MAN1A2: variants seen among roughly 807,000 people sequenced by gnomAD.
MAN1A2 encodes mannosyl-oligosaccharide 1,2-alpha-mannosidase IB.
MAN1A2 carries 26 observed loss-of-function variants against 75.7 expected under a neutral mutation model. The ratio of observed to expected loss-of-function variants is 0.34; its 90% CI spans 0.25 to 0.48. The LOEUF (loss-of-function observed/expected upper bound fraction) is 0.48. Among genes scored for constraint, MAN1A2 ranks in the 20% least tolerant of loss-of-function variants. The pLI is 0.99. For synonymous variants in MAN1A2, 247 were observed against 264.6 expected, an observed-to-expected ratio of 0.93 and a Z score of 0.65; for missense variants, 562 against 775.5, an observed-to-expected ratio of 0.72 and a Z score of 3.27.
intron 6 of MAN1A2, among the ~76,000 whole-genome samples, chr1:117,449,244 A>G (rs2101821895): frequency 6.6e-6 from 1 of 152,272 alleles, no homozygotes; most frequent in Non-Finnish European, 1.5e-5. Context: ...GAAGAATAGC[A>G]TGTCTCTCAC....
At chr1:117,372,051 G>T (rs1005973614) in intron 1 of MAN1A2, among the ~76,000 whole-genome samples, 6 of 152,094 alleles carry the variant, frequency 3.9e-5, no homozygotes, top group Admixed American at 1.3e-4. Context: ...AAATATTTTG[G>T]TTTTTATCAT....
At chr1:117,448,640 A>G (rs1649313160) in intron 6 of MAN1A2, among the ~76,000 whole-genome samples, 2 of 152,206 alleles carry the variant, frequency 1.3e-5, no homozygotes. Context: ...TTGAAGACAA[A>G]ACAATAGAAA....
chr1:117,522,207 A>T (rs1201041123), intron 12 of MAN1A2, among the ~76,000 whole-genome samples: 3 of 151,912 alleles, frequency 2.0e-5, no homozygotes, highest in Non-Finnish European at 4.4e-5. Flanking sequence ...CAGAGTCCTC[A>T]TCAGAACCAA....
Position 117,496,833 on chromosome 1 carries a change from A to G in MAN1A2, c.1355A>G (p.His452Arg), listed in dbSNP as rs756655838. The change falls in exon 10 of 13, where the codon CAC (histidine) becomes CGC (arginine). Residue 452 changes from histidine (H) to arginine (R), a missense_variant. This residue lies in a region of MAN1A2 where 434 missense variants were observed against 645.7 expected (regional missense o/e 0.67). Coordinates refer to ENST00000356554, the MANE Select transcript of MAN1A2 (RefSeq NM_006699.5). ...LTFIGEWKNGHLEKKMGHLAC... is the reference protein window; with the variant it reads ...LTFIGEWKNGRLEKKMGHLAC... ...TTTATTGGAGAATGGAAGAATGGGC[A>G]CTTGGAAAAAAAGATGGGGCATTTG... 27 of 1,612,658 alleles carry G rather than the reference A, an allele frequency of 1.7e-5. No homozygotes were observed. The highest frequency in any genetic ancestry group is 2.2e-5 in the East Asian group (1 of 44,766).
At chr1:117,426,981 C>G (rs1457025975) in intron 5 of MAN1A2, among the ~76,000 whole-genome samples, 1 of 152,110 alleles carries the variant, frequency 6.6e-6, no homozygotes, top group Non-Finnish European at 1.5e-5. Context: ...GCTGTCATAG[C>G]TCTTGGACTC....
chr1:117,512,703 G>A (rs930699183), intron 12 of MAN1A2, among the ~76,000 whole-genome samples: 9 of 149,748 alleles, frequency 6.0e-5, no homozygotes, highest in Non-Finnish European at 1.2e-4. Context: ...ATTTTTAAGT[G>A]CTTCCTATGT....
chr1:117,520,957 T>C, intron 12 of MAN1A2, among the ~76,000 whole-genome samples: 1 of 152,018 alleles, frequency 6.6e-6, no homozygotes, highest in African/African-American at 2.4e-5. Flanking sequence ...ATGATACTTG[T>C]ATAAAAATAG....
chr1:117,497,576 T>C (rs536047324), intron 10 of MAN1A2, among the ~76,000 whole-genome samples: 1 of 152,040 alleles, frequency 6.6e-6, no homozygotes, highest in East Asian at 1.9e-4. Flanking sequence ...ACAAAAATTG[T>C]TTTGGTTGGG....
chr1:117,513,084 T>G (rs1358428300), intron 12 of MAN1A2, among the ~76,000 whole-genome samples: 1 of 152,142 alleles, frequency 6.6e-6, no homozygotes, highest in Non-Finnish European at 1.5e-5. Flanking sequence ...ATGCATGGAA[T>G]ATTTCCATTC....
Position 117,505,119 on chromosome 1 carries a change from C to T in MAN1A2, c.1793+2149C>T, listed in dbSNP as rs541543788. Among the ~76,000 whole-genome samples, 14 of 151,528 alleles carry T rather than the reference C, an allele frequency of 9.2e-5. No individual in the cohort carries two copies. The South Asian group carries it at 2.1e-3, about 22-fold the overall frequency. ...AACCTAATGTACATTCAAATATTTA[C>T]GTATATATAAAGTTTCTTCTCTTGC... On this transcript the variant is annotated intron_variant, in intron 12 of 12. Transcript: ENST00000356554.
intron 8 of MAN1A2, among the ~76,000 whole-genome samples, chr1:117,485,350 G>A (rs566935448): frequency 1.1e-4 from 17 of 152,008 alleles, no homozygotes; most frequent in South Asian, 4.1e-4. Flanking sequence ...GAACTATAAC[G>A]TCACCACTGT....
At chr1:117,390,314 T>C (rs542350135) in intron 1 of MAN1A2, among the ~76,000 whole-genome samples, 1 of 152,066 alleles carries the variant, frequency 6.6e-6, no homozygotes, top group African/African-American at 2.4e-5. Context: ...CTTTAATAGA[T>C]ACAGGCTGTT....
At chr1:117,462,986 G>A (rs1649866845) in intron 7 of MAN1A2, among the ~76,000 whole-genome samples, 1 of 151,880 alleles carries the variant, frequency 6.6e-6, no homozygotes, top group Non-Finnish European at 1.5e-5. Flanking sequence ...AGATATATAT[G>A]TATATTCCTT....
At chr1:117,486,108 T>A (rs954248217) in intron 8 of MAN1A2, among the ~76,000 whole-genome samples, 3 of 152,004 alleles carry the variant, frequency 2.0e-5, no homozygotes, top group Admixed American at 2.0e-4. Context: ...AAATGATACA[T>A]AGTTACATAT....
Position 117,524,935 on chromosome 1 carries a change from G to A in MAN1A2, c.*1978G>A, listed in dbSNP as rs1014747360. ...AAAAATGTTAGCCTTCCTCGTAAAA[G>A]TAGCACAAGCCCACTTATGAATCAC... On this transcript the variant is annotated 3_prime_UTR_variant, in exon 13 of 13. Transcript: ENST00000356554. The A allele has an allele frequency of 3.7e-5, 12 of 325,692 alleles. No individual in the cohort carries two copies. Among genetic ancestry groups the A allele is most frequent in the Non-Finnish European group, 6.9e-5 (11 of 160,542 alleles). 20.2% of individuals were successfully genotyped at this position (325,692 alleles called of 1,614,324 possible). A position where few individuals can be genotyped will look rare whatever the true frequency, so the allele number is the denominator to read the frequency against.
At chr1:117,378,098 T>C (rs915546596) in intron 1 of MAN1A2, among the ~76,000 whole-genome samples, 2 of 152,156 alleles carry the variant, frequency 1.3e-5, no homozygotes, top group Admixed American at 6.5e-5. Flanking sequence ...TGAGACTCCA[T>C]CTCAAATAAC....
At chr1:117,506,192 T>C (rs950120824) in intron 12 of MAN1A2, among the ~76,000 whole-genome samples, 2 of 151,562 alleles carry the variant, frequency 1.3e-5, no homozygotes, top group Non-Finnish European at 3.0e-5. Context: ...TCAGAAGCTG[T>C]CAGTTTAAGA....
At chr1:117,408,243 G>A (rs1417731716) in intron 3 of MAN1A2, among the ~76,000 whole-genome samples, 1 of 149,460 alleles carries the variant, frequency 6.7e-6, no homozygotes, top group African/African-American at 2.5e-5. Context: ...CATGATGCCT[G>A]TGAATAGCCA....
chr1:117,423,486 A>G (rs1570731152), intron 5 of MAN1A2, among the ~76,000 whole-genome samples: 1 of 152,178 alleles, frequency 6.6e-6, no homozygotes, highest in Admixed American at 6.5e-5. Context: ...GTTTCAGTCC[A>G]TGAATAATGG....
Sources: allele counts gnomAD v4.1 joint callset (sites outside exome capture counted in the v4.1 genomes callset), GRCh38; gene constraint gnomAD v4.1.1; regional missense constraint gnomAD v4.1.1; transcripts MANE v1.5; gene names NCBI Gene and HGNC (gene_info 2026-07-23, HGNC 2026-07-21).